The following AGBL1 variants were observed in gnomAD, a reference collection of about 807,000 sequenced individuals.
AGBL1 encodes cytosolic carboxypeptidase 4.
A neutral mutation model predicts 118.9 loss-of-function variants in AGBL1; 130 were observed. The ratio of observed to expected loss-of-function variants is 1.09; its 90% confidence interval spans 0.95 to 1.26. The LOEUF (loss-of-function observed/expected upper bound fraction) is 1.26. Among genes scored for constraint, AGBL1 ranks in the 50% most tolerant of loss-of-function variants. The pLI is 0.00. For synonymous variants in AGBL1, 555 were observed against 478.9 expected, an observed-to-expected ratio of 1.16 and a Z score of -2.08; for missense variants, 1,584 against 1,298.1, an observed-to-expected ratio of 1.22 and a Z score of -3.38.
intron 22 of AGBL1, among the ~76,000 whole-genome samples, chr15:86,813,414 C>A (rs1178945407): frequency 1.3e-5 from 2 of 152,160 alleles, no homozygotes; most frequent in Non-Finnish European, 2.9e-5. Flanking sequence ...GACCTTCTGA[C>A]AAAAAGTGCC....
intron 22 of AGBL1, among the ~76,000 whole-genome samples, chr15:86,737,705 T>C (rs1393409832): frequency 3.3e-5 from 5 of 152,228 alleles, no homozygotes; most frequent in African/African-American, 1.2e-4. Context: ...CACATACTGC[T>C]GCTCTGCTCC....
At chr15:86,310,361 A>G (rs1274237536) in intron 17 of AGBL1, among the ~76,000 whole-genome samples, 1 of 151,688 alleles carries the variant, frequency 6.6e-6, no homozygotes, top group Non-Finnish European at 1.5e-5. Context: ...TATTTTTTTG[A>G]AAAAGCAACT....
At chr15:86,765,608 G>A (rs1204698934) in intron 22 of AGBL1, among the ~76,000 whole-genome samples, 1 of 151,948 alleles carries the variant, frequency 6.6e-6, no homozygotes, top group Non-Finnish European at 1.5e-5. Context: ...CTTTAAGGGG[G>A]AGAGACGTGA....
At chr15:86,384,164 T>C (rs2081150474) in intron 17 of AGBL1, among the ~76,000 whole-genome samples, 1 of 152,168 alleles carries the variant, frequency 6.6e-6, no homozygotes, top group African/African-American at 2.4e-5. Flanking sequence ...GCTTGAGACT[T>C]GGCCATGAAC....
At chr15:86,818,362 C>G (rs1019988434) in intron 22 of AGBL1, among the ~76,000 whole-genome samples, 1 of 152,152 alleles carries the variant, frequency 6.6e-6, no homozygotes, top group Non-Finnish European at 1.5e-5. Flanking sequence ...GTCAGATAAG[C>G]GGCAGCATTA....
At chr15:86,705,907 T>C (rs2086441124) in intron 22 of AGBL1, among the ~76,000 whole-genome samples, 1 of 152,092 alleles carries the variant, frequency 6.6e-6, no homozygotes, top group African/African-American at 2.4e-5. Flanking sequence ...CAACATGGTG[T>C]TATATGTGGA....
intron 17 of AGBL1, among the ~76,000 whole-genome samples, chr15:86,313,764 A>T (rs1426271062): frequency 6.6e-6 from 1 of 152,224 alleles, no homozygotes; most frequent in Non-Finnish European, 1.5e-5. Context: ...GTTAATTATG[A>T]AATGCTCAAG....
chr15:86,836,476 ATAGTATCC>A (rs1481215583), intron 22 of AGBL1, among the ~76,000 whole-genome samples: 1 of 152,184 alleles, frequency 6.6e-6, no homozygotes, highest in Non-Finnish European at 1.5e-5. Flanking sequence ...ACATCAGGCA[ATAGTATCC>A]TAACTTACCT....
intron 23 of AGBL1, among the ~76,000 whole-genome samples, chr15:86,956,581 A>G (rs1227599304): frequency 6.6e-6 from 1 of 152,172 alleles, no homozygotes; most frequent in East Asian, 1.9e-4. Context: ...TTGCTCTTCA[A>G]CAGATCAGAT....
At chr15:87,007,883 C>T (rs2081520644) in intron 24 of AGBL1, among the ~76,000 whole-genome samples, 1 of 152,180 alleles carries the variant, frequency 6.6e-6, no homozygotes, top group South Asian at 2.1e-4. Flanking sequence ...TTGTAACAAC[C>T]TGCCATGATA....
intron 1 of AGBL1, among the ~76,000 whole-genome samples, chr15:86,120,889 T>C (rs2141578373): frequency 6.6e-6 from 1 of 150,620 alleles, no homozygotes; most frequent in East Asian, 1.9e-4. Context: ...AGTTCTTGTT[T>C]GCTTTTATGG....
rs3030280 is a variant in AGBL1 at position 86,997,890 on chromosome 15, GACACACACACACACACAC to G, written c.3323+9831_3323+9848del. Among the ~76,000 whole-genome samples the G allele has an allele frequency of 2.8e-3, 413 of 145,934 alleles. 3 individuals carry two copies. The highest frequency in any genetic ancestry group is 9.5e-3 in the African/African-American group (379 of 39,928). The stretch of plus-strand genomic sequence containing the variant: ...CAATATATTGGCCAAACATGTGGAA[GACACACACACACACACAC>G]ACACACACACACACACACACACACA... On this transcript the variant is annotated intron_variant, in intron 24 of 24. Transcript: ENST00000441037.
intron 17 of AGBL1, among the ~76,000 whole-genome samples, chr15:86,355,366 T>C (rs77294378): frequency 1.3e-5 from 2 of 152,316 alleles, no homozygotes; most frequent in East Asian, 1.9e-4. Context: ...CATAGCTTTA[T>C]GGTCAATTGC....
intron 23 of AGBL1, among the ~76,000 whole-genome samples, chr15:86,985,922 C>CTT (rs57966049): frequency 2.6e-4 from 39 of 149,922 alleles, no homozygotes; most frequent in African/African-American, 7.0e-4. Flanking sequence ...GGATAGCAAT[C>CTT]TTTTTTTTTT....
In AGBL1 at chr15:86,909,296, C is replaced by T. The variant is rs1003164268; in HGVS notation, c.*2002C>T. The T allele has an allele frequency of 3.9e-5, 6 of 152,314 alleles. No individual in the cohort carries two copies. Among genetic ancestry groups the T allele is most frequent in the Non-Finnish European group, 7.3e-5 (5 of 68,028 alleles). The allele number at this position is 152,314 out of a possible 1,614,324, so 9.4% of individuals were successfully genotyped here. A position where few individuals can be genotyped will look rare whatever the true frequency, so the allele number is the denominator to read the frequency against. ...GATAATAATACATATTGGGAGATTA[C>T]ATATCTGCCAAAAGACTTCTCCTGA... On this transcript the variant is annotated 3_prime_UTR_variant, in exon 23 of 23. Transcript: ENST00000614907.
At position 86,788,598 on chromosome 15, in the gene AGBL1, C is replaced by T. The variant is rs16977985; in HGVS notation, c.3158+114162C>T. Among the ~76,000 whole-genome samples the T allele has an allele frequency of 5.0e-3, 755 of 152,162 alleles. 8 individuals are homozygous for T. The highest frequency in any genetic ancestry group is 0.017 in the African/African-American group (700 of 41,524). The stretch of plus-strand genomic sequence containing the variant: ...TCCTGGAGCATATATTTTAAAGATG[C>T]GAGACGGTCATAGGCAATTAGTAAA... On this transcript the variant is annotated intron_variant, in intron 22 of 22. Transcript: ENST00000614907.
chr15:86,381,282 C>A (rs553270382), intron 17 of AGBL1, among the ~76,000 whole-genome samples: 1 of 152,152 alleles, frequency 6.6e-6, no homozygotes, highest in Non-Finnish European at 1.5e-5. Flanking sequence ...AAATTGCTTT[C>A]AAAGTCAATG....
At chr15:86,936,021 G>C (rs1373126106) in intron 23 of AGBL1, among the ~76,000 whole-genome samples, 2 of 152,234 alleles carry the variant, frequency 1.3e-5, no homozygotes. Flanking sequence ...TGCTCCAGCA[G>C]GCAAGGCAGA....
intron 5 of AGBL1, among the ~76,000 whole-genome samples, chr15:86,213,741 T>C (rs1030578606): frequency 1.3e-5 from 2 of 152,206 alleles, no homozygotes; most frequent in African/African-American, 4.8e-5. Flanking sequence ...ACTCTTTTTG[T>C]TATTTTTTTA....
Sources: gnomAD v4.1 joint callset for allele counts (sites outside exome capture counted in the v4.1 genomes callset) on GRCh38, gnomAD v4.1.1 for gene constraint, MANE v1.5 for transcripts, NCBI Gene and HGNC (gene_info 2026-07-23, HGNC 2026-07-21) for gene names.